DENND3: variants seen among roughly 807,000 people sequenced by gnomAD.
DENND3 encodes the protein DENN domain-containing protein 3.
In DENND3, 88 loss-of-function variants were observed where a neutral mutation model predicts 135.1. That is an observed-to-expected ratio of 0.65 (90% CI 0.55 to 0.78). The LOEUF is 0.78. Ranked by LOEUF, DENND3 falls within the 30% of genes least tolerant of loss-of-function variation. The probability of loss-of-function intolerance (pLI) is 0.00; values close to 1 mark genes in which losing one functional copy is unlikely to be tolerated. For synonymous variants in DENND3, 693 were observed against 712.3 expected (o/e 0.97, Z 0.43); for missense variants, 1,392 against 1,688.4 (o/e 0.82, Z 3.08).
rs1246091711 is a variant in DENND3, at chr8:141,139,773, C to T, written c.502-1430C>T. On this transcript the variant is annotated intron_variant, in intron 3 of 22. Coordinates refer to ENST00000519811, the MANE Select transcript of DENND3 (RefSeq NM_001352890.3). The surrounding 1 kb of genome is among the most constrained non-coding windows in gnomAD (Gnocchi z 4.2). The stretch of plus-strand genomic sequence containing the variant: ...AGCAGATGCCACTGTTCCCAGTGTG[C>T]CGGCCTGGCGTGGGCATGCCTGGTC... Among the ~76,000 whole-genome samples, 1 of 152,250 alleles carries T rather than the reference C, an allele frequency of 6.6e-6. No homozygotes were observed. The highest frequency in any genetic ancestry group is 1.5e-5 in the Non-Finnish European group (1 of 68,046).
In DENND3 at chr8:141,139,886, A is replaced by G. The variant is rs1817242118; in HGVS notation, c.502-1317A>G. Among the ~76,000 whole-genome samples the G allele has an allele frequency of 6.6e-6, 1 of 150,930 alleles. No individual in the cohort carries two copies. Among genetic ancestry groups the G allele is most frequent in the Non-Finnish European group, 1.5e-5 (1 of 67,850 alleles). ...CTCTCCTTCTTCACTATGTATCCGGATGACGCTATATCTATCGTTTTTTTC... is the reference window on the plus strand; with the variant it reads ...CTCTCCTTCTTCACTATGTATCCGGGTGACGCTATATCTATCGTTTTTTTC... On this transcript the variant is annotated intron_variant, in intron 3 of 22. Coordinates refer to ENST00000519811, the MANE Select transcript of DENND3 (RefSeq NM_001352890.3). This position sits in a 1 kb window ranked among gnomAD's most constrained non-coding sequence, Gnocchi z 4.2.
chr8:141,151,676 C>T lies in DENND3; in HGVS notation c.913C>T (p.Leu305=), dbSNP rs150268914. ...RIVFFSSDWA[L]LTLVTECFMA... is the part of the protein sequence containing the mutation. ...CGTCTTCTTCTCCTCGGACTGGGCT[C>T]TGCTGACGCTGGTCACTGAGTGCTT... Residue 305 remains leucine (L), a synonymous_variant, in exon 7 of 23, where the codon CTG becomes TTG. Coordinates refer to ENST00000519811, the MANE Select transcript of DENND3 (RefSeq NM_001352890.3). The T allele has an allele frequency of 6.2e-6, 10 of 1,613,980 alleles. No individual in the cohort carries two copies. The African/African-American group carries it at 1.1e-4, about 17-fold the overall frequency.
At chr8:141,131,626 G>A (rs899979998) in intron 1 of DENND3, among the ~76,000 whole-genome samples, 15 of 152,294 alleles carry the variant, frequency 9.8e-5, no homozygotes, top group African/African-American at 2.6e-4. Context: ...TAAAAAAATT[G>A]ATTAATTTCT....
intron 17 of DENND3, among the ~76,000 whole-genome samples, 186 bp downstream of exon 17, chr8:141,181,040 C>T (rs1212457821): frequency 3.9e-5 from 6 of 152,314 alleles, no homozygotes; most frequent in Admixed American, 2.0e-4. Flanking sequence ...GACCGCTCCA[C>T]GGACTCAGCC....
intron 20 of DENND3, 36 bp from the exon 21 acceptor site, chr8:141,192,295 A>G (rs1427282696): frequency 6.2e-7 from 1 of 1,609,456 alleles, no homozygotes; most frequent in South Asian, 1.1e-5. Context: ...TGCCAATGAC[A>G]CTGCCTGGCC....
In DENND3 at chr8:141,144,336, C is replaced by A; in HGVS notation, c.735+77C>A. Reference sequence around the variant, plus strand: ...AGATGTTGAAGATAATGTAAATGCTCACAACTATTTCTGAAGTTCTAGCTG... The same window carrying A: ...AGATGTTGAAGATAATGTAAATGCTAACAACTATTTCTGAAGTTCTAGCTG... On this transcript the variant is annotated intron_variant, in intron 5 of 22. Coordinates refer to ENST00000519811, the MANE Select transcript of DENND3 (RefSeq NM_001352890.3). The surrounding 1 kb of genome is among the most constrained non-coding windows in gnomAD (Gnocchi z 4.4). The A allele has an allele frequency of 7.7e-7, 1 of 1,306,966 alleles. No homozygotes were observed. The highest frequency in any genetic ancestry group is 1.1e-6 in the Non-Finnish European group (1 of 949,046). 81.0% of individuals were successfully genotyped at this position (1,306,966 alleles called of 1,614,324 possible). A position where few individuals can be genotyped will look rare whatever the true frequency, so the allele number is the denominator to read the frequency against.
chr8:141,149,086 T>A (rs1053574068), intron 5 of DENND3, among the ~76,000 whole-genome samples: 1 of 152,138 alleles, frequency 6.6e-6, no homozygotes, highest in Non-Finnish European at 1.5e-5. Flanking sequence ...AATTTTGTAT[T>A]TTTAGTAGAG....
chr8:141,158,348 T>C, intron 8 of DENND3: 2 of 1,209,880 alleles, frequency 1.7e-6, no homozygotes, highest in Admixed American at 2.9e-5. Flanking sequence ...AACTGAGCTT[T>C]GTGAGACTGT....
At chr8:141,129,190 C>T (rs1815604523) in intron 1 of DENND3, among the ~76,000 whole-genome samples, 1 of 152,224 alleles carries the variant, frequency 6.6e-6, no homozygotes, top group African/African-American at 2.4e-5. Context: ...TGGGGTGCAC[C>T]AGACAACGGG....
At position 141,166,072 on chromosome 8, in the gene DENND3, C is replaced by G; in HGVS notation, c.1554-118C>G. 1 of 1,014,470 alleles carries G rather than the reference C, an allele frequency of 9.9e-7. No individual in the cohort carries two copies. The highest frequency in any genetic ancestry group is 1.5e-6 in the Non-Finnish European group (1 of 665,854). The allele number at this position is 1,014,470 out of a possible 1,614,324, so 62.8% of individuals were successfully genotyped here. On this transcript the variant is annotated intron_variant, in intron 11 of 22. Transcript: ENST00000519811. This position sits in a 1 kb window ranked among gnomAD's most constrained non-coding sequence, Gnocchi z 4.3. ...AACATGTTCTTACCAGTCTGTTTTCCACTGGTGTCCAAGAGTGTCATGTGC... is the reference window on the plus strand; with the variant it reads ...AACATGTTCTTACCAGTCTGTTTTCGACTGGTGTCCAAGAGTGTCATGTGC...
chr8:141,150,362 A>T, intron 5 of DENND3: 1 of 1,249,494 alleles, frequency 8.0e-7, no homozygotes, highest in African/African-American at 1.6e-5. Context: ...ATACATTTAG[A>T]AAAACGTCTT....
At position 141,175,612 on chromosome 8, in the gene DENND3, T is replaced by C. The variant is rs921721592; in HGVS notation, c.2535+153T>C. The stretch of plus-strand genomic sequence containing the variant: ...CTTCCTGTCCCTCAGTTTGCTCATC[T>C]GTAAAGTAGGAATAAGGCTGATACC... On this transcript the variant is annotated intron_variant, in intron 14 of 22. Transcript: ENST00000519811. This position sits in a 1 kb window ranked among gnomAD's most constrained non-coding sequence, Gnocchi z 5.4. The C allele has an allele frequency of 4.2e-6, 5 of 1,201,904 alleles. No homozygotes were observed. The Admixed American group carries it at 5.8e-5, about 14-fold the overall frequency. The allele number at this position is 1,201,904 out of a possible 1,614,324, so 74.5% of individuals were successfully genotyped here. A position where few individuals can be genotyped will look rare whatever the true frequency, so the allele number is the denominator to read the frequency against.
At chr8:141,145,820 TATATATATATATATATATATATATA>T (rs1359491184) in intron 5 of DENND3, among the ~76,000 whole-genome samples, 2,229 of 36,560 alleles carry the variant, frequency 0.061, 167 homozygotes, top group African/African-American at 0.22. Flanking sequence ...TATATATATA[TATATATATATATATATATATATATA>T]TATATGTATT....
chr8:141,193,043 G>A (rs557822372), intron 22 of DENND3: 13 of 497,670 alleles, frequency 2.6e-5, no homozygotes, highest in South Asian at 6.8e-5. Context: ...TGTGGCCGCC[G>A]TCCTTGGCGT....
chr8:141,185,441 A>G, intron 18 of DENND3, 163 bp downstream of exon 18: 1 of 900,814 alleles, frequency 1.1e-6, no homozygotes, highest in East Asian at 2.7e-5. Context: ...TTCAAATTAA[A>G]TGTAAGCTTG....
At chr8:141,129,982 C>T (rs1033913918) in intron 1 of DENND3, 1 of 152,260 alleles carries the variant, frequency 6.6e-6, no homozygotes, top group African/African-American at 2.4e-5. Flanking sequence ...CCCGTTTGAC[C>T]TCTGTCTCCT....
At chr8:141,153,387 C>G (rs6992760) in intron 7 of DENND3, among the ~76,000 whole-genome samples, 1,966 of 152,300 alleles carry the variant, frequency 0.013, 57 homozygotes, top group African/African-American at 0.044. Context: ...AGCCACCACG[C>G]CTTGCTCCAT....
In DENND3 at chr8:141,130,222, ATTTC is replaced by A. The variant is rs1815829778; in HGVS notation, c.102+1417_102+1420del. 1.3e-5 allele frequency among the ~76,000 whole-genome samples: 2 copies of A among 152,032 alleles called. No homozygotes were observed. Among genetic ancestry groups the A allele is most frequent in the African/African-American group, 4.8e-5 (2 of 41,464 alleles). On this transcript the variant is annotated intron_variant, in intron 1 of 22. Transcript: ENST00000519811. This position sits in a 1 kb window ranked among gnomAD's most constrained non-coding sequence, Gnocchi z 4.2. ...TTGCAGTGGTGCTTTCTTTTTTTCA[ATTTC>A]TTTATTATTATTATTATGTTAATAA...
intron 9 of DENND3, 126 bp from the exon 10 acceptor site, chr8:141,163,207 C>T (rs1220366345): frequency 1.8e-6 from 1 of 550,938 alleles, no homozygotes; most frequent in African/African-American, 1.9e-5. Context: ...AATCAAGAAT[C>T]TTTCTGAAGA....
Sources: gnomAD v4.1 joint callset for allele counts (sites outside exome capture counted in the v4.1 genomes callset) on GRCh38, gnomAD v4.1.1 for gene constraint, Gnocchi (gnomAD v3.1) non-coding constraint, MANE v1.5 for transcripts, NCBI Gene and HGNC (gene_info 2026-07-23, HGNC 2026-07-21) for gene names.